The following SLC30A8 variants were observed in gnomAD, a reference collection of about 807,000 sequenced individuals.
SLC30A8 encodes solute carrier family 30 member 8.
SLC30A8 carries 27 observed loss-of-function variants against 36.9 expected under a neutral mutation model. That is an observed-to-expected ratio of 0.73 (90% CI 0.54 to 1.01). The LOEUF (loss-of-function observed/expected upper bound fraction) is 1.01. Ranked by LOEUF, SLC30A8 falls within the 50% of genes least tolerant of loss-of-function variation. The probability of loss-of-function intolerance (pLI) is 0.00; values close to 1 mark genes in which losing one functional copy is unlikely to be tolerated. For missense variants in SLC30A8, 439 were observed against 452.0 expected, an observed-to-expected ratio of 0.97 and a Z score of 0.26; for synonymous variants, 164 against 172.4, an observed-to-expected ratio of 0.95 and a Z score of 0.38.
At chr8:117,168,686 G>C (rs1028739262) in intron 6 of SLC30A8, among the ~76,000 whole-genome samples, 1 of 152,126 alleles carries the variant, frequency 6.6e-6, no homozygotes, top group East Asian at 1.9e-4. Context: ...TAATTTCAAA[G>C]GGCCTAGATG....
intron 2 of SLC30A8, among the ~76,000 whole-genome samples, chr8:117,128,018 C>T (rs1472277923): frequency 6.6e-6 from 1 of 152,048 alleles, no homozygotes; most frequent in Non-Finnish European, 1.5e-5. Flanking sequence ...TTGAGTTTAG[C>T]ATCAGCTTAG....
At chr8:116,960,791 C>T (rs958419309) in intron 1 of SLC30A8, among the ~76,000 whole-genome samples, 1 of 152,162 alleles carries the variant, frequency 6.6e-6, no homozygotes, top group African/African-American at 2.4e-5. Context: ...ATCTGAGAAA[C>T]TGTGGGAAAT....
chr8:117,020,979 T>G (rs552659987), intron 1 of SLC30A8, among the ~76,000 whole-genome samples: 136 of 152,218 alleles, frequency 8.9e-4, no homozygotes, highest in African/African-American at 3.0e-3. Flanking sequence ...AGAAGTAAAA[T>G]TTTAGAAAGA....
intron 2 of SLC30A8, among the ~76,000 whole-genome samples, chr8:117,115,339 A>G (rs59786381): frequency 0.015 from 2,283 of 152,156 alleles, 56 homozygotes; most frequent in African/African-American, 0.051. Flanking sequence ...TTTGCCCAGC[A>G]TCATCCCTGT....
At chr8:116,979,157 C>T (rs952046426) in intron 1 of SLC30A8, among the ~76,000 whole-genome samples, 3 of 140,392 alleles carry the variant, frequency 2.1e-5, no homozygotes, top group Admixed American at 7.9e-5. Flanking sequence ...GAGAATGGCT[C>T]GAACCTGGGA....
At chr8:117,004,273 A>G (rs1404087747) in intron 1 of SLC30A8, among the ~76,000 whole-genome samples, 1 of 152,242 alleles carries the variant, frequency 6.6e-6, no homozygotes, top group Non-Finnish European at 1.5e-5. Context: ...TTAAAGTGTC[A>G]CAAAGTTATT....
intron 1 of SLC30A8, among the ~76,000 whole-genome samples, chr8:116,956,221 G>A (rs915156009): frequency 1.3e-5 from 2 of 152,182 alleles, no homozygotes; most frequent in Admixed American, 6.5e-5. Context: ...GAAATAAAGT[G>A]TGCTTTGAGT....
chr8:116,953,563 A>G (rs764325092), intron 1 of SLC30A8, among the ~76,000 whole-genome samples: 5 of 152,140 alleles, frequency 3.3e-5, no homozygotes, highest in Admixed American at 2.0e-4. Flanking sequence ...ACAGCTCTGT[A>G]AAAACACTTC....
intron 4 of SLC30A8, among the ~76,000 whole-genome samples, chr8:117,160,446 T>TGTGTGTGTGC (rs150458118): frequency 0.019 from 2,688 of 144,246 alleles, 49 homozygotes; most frequent in African/African-American, 0.046. Context: ...CGCGCACATG[T>TGTGTGTGTGC]GCGCGCGGTG....
chr8:117,163,679 G>C lies in SLC30A8; in HGVS notation c.829+149G>C, dbSNP rs886403231. On this transcript the variant is annotated intron_variant, in intron 6 of 7. Transcript: ENST00000456015. ...GGAATTTTTGTGAAAACAATCATTT[G>C]ATTTTTTTTCCTATGGGAACAAGTA... The C allele has an allele frequency of 2.0e-5, 12 of 611,958 alleles. No individual in the cohort carries two copies. In the Middle Eastern group the frequency reaches 1.7e-3, roughly 89 times the overall value. 37.9% of individuals were successfully genotyped at this position (611,958 alleles called of 1,614,324 possible).
intron 1 of SLC30A8, among the ~76,000 whole-genome samples, chr8:116,963,427 A>G (rs1232459401): frequency 6.6e-6 from 1 of 152,062 alleles, no homozygotes; most frequent in Non-Finnish European, 1.5e-5. Flanking sequence ...TATCCATTAA[A>G]CCATACCTCA....
intron 1 of SLC30A8, among the ~76,000 whole-genome samples, chr8:116,953,047 C>T (rs565273359): frequency 4.3e-4 from 65 of 151,386 alleles, no homozygotes; most frequent in Non-Finnish European, 8.4e-4. Context: ...TTTAGTAGAC[C>T]CCCATGTCTA....
intron 4 of SLC30A8, among the ~76,000 whole-genome samples, chr8:117,160,720 T>TAAC (rs1822748512): frequency 6.6e-6 from 1 of 152,184 alleles, no homozygotes. Flanking sequence ...CCTTAAATGT[T>TAAC]AACTCCTAGG....
Position 117,157,721 on chromosome 8 carries a change from G to A in SLC30A8, c.449G>A (p.Cys150Tyr). 1 of 1,614,054 alleles carries A rather than the reference G, an allele frequency of 6.2e-7. No individual in the cohort carries two copies. The highest frequency in any genetic ancestry group is 8.5e-7 in the Non-Finnish European group (1 of 1,179,986). Residue 150 changes from cysteine (C) to tyrosine (Y), a missense_variant, in exon 4 of 8, where the codon TGC becomes TAC. Physicochemically the swap from Cys to Tyr is radical, Grantham distance 194 (BLOSUM62 -2). Transcript: ENST00000456015. Reference sequence around the variant, plus strand: ...CTTGGTGCCCTGCTCTCCATCCTGTGCATCTGGGTGGTGACTGGCGTGCTA... The same window carrying A: ...CTTGGTGCCCTGCTCTCCATCCTGTACATCTGGGTGGTGACTGGCGTGCTA... The part of the protein sequence containing the change: ...EILGALLSIL[C>Y]IWVVTGVLVY...
intron 1 of SLC30A8, among the ~76,000 whole-genome samples, chr8:117,032,156 G>A (rs529942001): frequency 5.8e-4 from 87 of 150,188 alleles, no homozygotes; most frequent in African/African-American, 2.0e-3. Context: ...TTCCTGCCAT[G>A]CTTTTTTTTT....
chr8:117,159,173 A>C (rs1009176703), intron 4 of SLC30A8, among the ~76,000 whole-genome samples: 1 of 149,942 alleles, frequency 6.7e-6, no homozygotes, highest in African/African-American at 2.4e-5. Flanking sequence ...TCTGACCTCC[A>C]GAACTATAAT....
At chr8:117,016,151 C>T (rs1467520335) in intron 1 of SLC30A8, among the ~76,000 whole-genome samples, 6 of 152,100 alleles carry the variant, frequency 3.9e-5, no homozygotes, top group Non-Finnish European at 7.4e-5. Flanking sequence ...AACTAGAAAT[C>T]CAGAAATCCA....
chr8:117,150,747 A>G (rs936133156), intron 2 of SLC30A8, among the ~76,000 whole-genome samples: 13 of 152,058 alleles, frequency 8.5e-5, no homozygotes, highest in African/African-American at 3.1e-4. Flanking sequence ...CTGGGACTAC[A>G]GTCGCCTGCC....
At chr8:117,083,325 C>T (rs528126880) in intron 2 of SLC30A8, among the ~76,000 whole-genome samples, 1 of 152,264 alleles carries the variant, frequency 6.6e-6, no homozygotes, top group Admixed American at 6.5e-5. Context: ...AGTTGCTCTC[C>T]TGGAATTATC....
Sources: gnomAD v4.1 joint callset for allele counts (sites outside exome capture counted in the v4.1 genomes callset) on GRCh38, gnomAD v4.1.1 for gene constraint, MANE v1.5 for transcripts, NCBI Gene and HGNC (gene_info 2026-07-23, HGNC 2026-07-21) for gene names.